The following MBNL1 variants were observed in gnomAD, a reference collection of about 807,000 sequenced individuals.
The protein encoded by MBNL1 is muscleblind-like protein 1.
A neutral mutation model predicts 42.2 loss-of-function variants in MBNL1; 8 were observed. The ratio of observed to expected loss-of-function variants is 0.19; its 90% CI spans 0.11 to 0.34. The LOEUF (loss-of-function observed/expected upper bound fraction) is 0.34. Ranked by LOEUF, MBNL1 falls within the 10% of genes least tolerant of loss-of-function variation. The probability of loss-of-function intolerance (pLI) is 1.00; values close to 1 mark genes in which losing one functional copy is unlikely to be tolerated. For missense variants in MBNL1, 309 were observed against 495.3 expected, an observed-to-expected ratio of 0.62 and a Z score of 3.57; for synonymous variants, 169 against 173.9, an observed-to-expected ratio of 0.97 and a Z score of 0.22.
chr3:152,287,161 G>C (rs2052976350), intron 1 of MBNL1, among the ~76,000 whole-genome samples: 1 of 149,376 alleles, frequency 6.7e-6, no homozygotes, highest in Admixed American at 6.7e-5. Flanking sequence ...CTTGCAGTGA[G>C]CCGAGATCAC....
At chr3:152,340,773 G>A in intron 2 of MBNL1, 2 of 1,614,038 alleles carry the variant, frequency 1.2e-6, no homozygotes, top group Non-Finnish European at 1.7e-6. Context: ...ACTCACTGAA[G>A]AAGAATCCAG....
At chr3:152,264,357 T>C (rs1451157456), upstream of MBNL1, 1 of 150,850 alleles carries the variant, frequency 6.6e-6, no homozygotes, top group African/African-American at 2.4e-5. Flanking sequence ...GATGAAAAAA[T>C]AGAAAGAATA....
At chr3:152,318,839 G>T (rs2554957) in intron 2 of MBNL1, among the ~76,000 whole-genome samples, 146,371 of 152,298 alleles carry the variant, frequency 0.96, 70,483 homozygotes, top group East Asian at 1. Flanking sequence ...CACTCTACAG[G>T]CATTCACAGA....
chr3:152,376,692 G>T (rs1209863846), intron 2 of MBNL1, among the ~76,000 whole-genome samples: 1 of 152,180 alleles, frequency 6.6e-6, no homozygotes, highest in Non-Finnish European at 1.5e-5. Flanking sequence ...AAGAGCTGCT[G>T]TAAAGAATGC....
intron 2 of MBNL1, chr3:152,338,661 A>G (rs895408276): frequency 1.0e-6 from 1 of 985,254 alleles, no homozygotes; most frequent in African/African-American, 1.7e-5. Context: ...ACCTCTCCAG[A>G]AGATATGTAA....
intron 2 of MBNL1, among the ~76,000 whole-genome samples, chr3:152,381,173 A>G (rs980872562): frequency 2.0e-5 from 3 of 152,222 alleles, no homozygotes; most frequent in South Asian, 2.1e-4. Context: ...CTCTGACTAC[A>G]TTCAAAGTTA....
chr3:152,325,608 G>C (rs918359724), intron 2 of MBNL1, among the ~76,000 whole-genome samples: 1 of 151,562 alleles, frequency 6.6e-6, no homozygotes, highest in African/African-American at 2.4e-5. Flanking sequence ...TAGTAGGTAA[G>C]TCAATTATTT....
intron 2 of MBNL1, among the ~76,000 whole-genome samples, chr3:152,332,407 T>C (rs1457127573): frequency 6.6e-6 from 1 of 152,200 alleles, no homozygotes; most frequent in African/African-American, 2.4e-5. Context: ...GGGTGCAATA[T>C]ATAACATGAC....
chr3:152,326,979 G>A (rs950216642), intron 2 of MBNL1, among the ~76,000 whole-genome samples: 4 of 151,084 alleles, frequency 2.6e-5, no homozygotes, highest in African/African-American at 4.9e-5. Context: ...ATTTTTTTGT[G>A]TGTATTTTTA....
chr3:152,299,281 GGA>G (rs143861934), intron 1 of MBNL1, 122 bp from the exon 2 acceptor site: 174 of 157,696 alleles, frequency 1.1e-3, no homozygotes, highest in Non-Finnish European at 1.7e-3. Context: ...TGTATGTGTG[GGA>G]GAGAGAGAGA....
At chr3:152,366,592 T>C (rs1243575377) in intron 2 of MBNL1, among the ~76,000 whole-genome samples, 5 of 152,186 alleles carry the variant, frequency 3.3e-5, no homozygotes, top group Non-Finnish European at 5.9e-5. Context: ...AGGAATCTTT[T>C]CAGTTCATTG....
rs115574051 is a variant in MBNL1 at position 152,305,676 on chromosome 3, C to T, written c.174+5309C>T. Among the ~76,000 whole-genome samples, 784 of 152,136 alleles carry T rather than the reference C, an allele frequency of 5.2e-3. 4 individuals carry two copies. The highest frequency in any genetic ancestry group is 8.6e-3 in the Non-Finnish European group (584 of 67,994). ...TAGCATGTAGCAACTTAAGTAAAAG[C>T]AACTGGAAAGGCTTGATAGAAATTC... On this transcript the variant is annotated intron_variant, in intron 2 of 9. Transcript: ENST00000324210.
At chr3:152,246,426 A>C (rs544536563) in intron 2 of MBNL1, among the ~76,000 whole-genome samples, 1 of 152,132 alleles carries the variant, frequency 6.6e-6, no homozygotes, top group African/African-American at 2.4e-5. Flanking sequence ...ATGGAAAATA[A>C]GTTTTTAAGT....
At chr3:152,453,422 C>T (rs564924725) in intron 6 of MBNL1, among the ~76,000 whole-genome samples, 24 of 152,258 alleles carry the variant, frequency 1.6e-4, no homozygotes, top group Middle Eastern at 3.4e-3. Context: ...CAGAAGCACA[C>T]CATTCTGCTC....
chr3:152,357,920 T>C (rs986780183), intron 2 of MBNL1, among the ~76,000 whole-genome samples: 1 of 152,066 alleles, frequency 6.6e-6, no homozygotes, highest in Non-Finnish European at 1.5e-5. Flanking sequence ...GAAAACTCAT[T>C]GAAATAAATA....
At chr3:152,333,383 ACAG>A (rs1287816555) in intron 2 of MBNL1, among the ~76,000 whole-genome samples, 21 of 152,336 alleles carry the variant, frequency 1.4e-4, no homozygotes, top group African/African-American at 5.0e-4. Context: ...ATATTTGTAC[ACAG>A]TTAGGTTTTT....
At chr3:152,301,011 T>G (rs905471109) in intron 2 of MBNL1, 2 of 608,072 alleles carry the variant, frequency 3.3e-6, no homozygotes, top group Non-Finnish European at 4.1e-6. Flanking sequence ...ATAAGTACTA[T>G]TGTTTATTGG....
At chr3:152,373,724 C>A (rs900380083) in intron 2 of MBNL1, among the ~76,000 whole-genome samples, 2 of 152,206 alleles carry the variant, frequency 1.3e-5, no homozygotes, top group Non-Finnish European at 2.9e-5. Context: ...ATTGATCTCA[C>A]TGGGAGCTGC....
intron 1 of MBNL1, among the ~76,000 whole-genome samples, chr3:152,278,172 T>C (rs142898614): frequency 2.0e-5 from 3 of 152,282 alleles, no homozygotes; most frequent in East Asian, 1.9e-4. Flanking sequence ...TATTCTGTCA[T>C]TGGGCTAATT....
Sources: gnomAD v4.1 joint callset for allele counts (sites outside exome capture counted in the v4.1 genomes callset) on GRCh38, gnomAD v4.1.1 for gene constraint, MANE v1.5 for transcripts, NCBI Gene and HGNC (gene_info 2026-07-23, HGNC 2026-07-21) for gene names.